SPMIP2: variants seen among roughly 807,000 people sequenced by gnomAD.
SPMIP2 encodes the protein protein SPMIP2.
At chr4:158,954,672 C>CG in the SPMIP2 span, among the ~76,000 whole-genome samples, 3 of 152,176 alleles carry the variant, frequency 2.0e-5, no homozygotes, top group Admixed American at 2.0e-4. Context: ...TAGTTTTTCT[C>CG]GAGTTCAATG....
the SPMIP2 span, among the ~76,000 whole-genome samples, chr4:159,063,280 C>T: frequency 2.0e-5 from 3 of 152,194 alleles, no homozygotes; most frequent in East Asian, 5.8e-4. Flanking sequence ...TATCTTGGGC[C>T]GGGCATGGTG....
chr4:158,940,559 CTTTT>C, the SPMIP2 span, among the ~76,000 whole-genome samples: 184 of 135,110 alleles, frequency 1.4e-3, 2 homozygotes, highest in Non-Finnish European at 2.2e-3. Context: ...GTTGTTCCTT[CTTTT>C]TTTTTTTTTT....
At chr4:158,918,546 G>A in the SPMIP2 span, among the ~76,000 whole-genome samples, 4 of 152,144 alleles carry the variant, frequency 2.6e-5, no homozygotes, top group African/African-American at 9.7e-5. Context: ...ATATAGAAGA[G>A]TTTAGAAAAG....
At chr4:159,021,030 G>A in the SPMIP2 span, among the ~76,000 whole-genome samples, 1 of 152,210 alleles carries the variant, frequency 6.6e-6, no homozygotes, top group Non-Finnish European at 1.5e-5. Context: ...CAAAGTCCTA[G>A]GATTACAGGC....
At chr4:159,016,148 C>G in the SPMIP2 span, among the ~76,000 whole-genome samples, 3 of 151,996 alleles carry the variant, frequency 2.0e-5, no homozygotes, top group African/African-American at 7.3e-5. Context: ...ACTTGTGAAA[C>G]ACGGGGATGG....
the SPMIP2 span, among the ~76,000 whole-genome samples, chr4:159,035,733 A>G: frequency 2.6e-5 from 4 of 152,158 alleles, no homozygotes; most frequent in Non-Finnish European, 5.9e-5. Context: ...CTGAGCCTTT[A>G]CACATACAAT....
At chr4:159,006,995 A>AGT in the SPMIP2 span, 1 of 392,284 alleles carries the variant, frequency 2.5e-6, no homozygotes, top group Non-Finnish European at 4.9e-6. Context: ...CTAGAATGCC[A>AGT]GTGTTGTTCT....
chr4:158,947,373 TAAAAC>T, the SPMIP2 span, among the ~76,000 whole-genome samples: 1 of 152,176 alleles, frequency 6.6e-6, no homozygotes, highest in African/African-American at 2.4e-5. Flanking sequence ...TCTTATGAAA[TAAAAC>T]AGGCAATTTT....
the SPMIP2 span, among the ~76,000 whole-genome samples, chr4:159,054,157 T>A: frequency 6.6e-6 from 1 of 152,112 alleles, no homozygotes; most frequent in East Asian, 1.9e-4. Flanking sequence ...AATTTTTTTT[T>A]ATTTTTGTAG....
At chr4:158,949,578 A>C in the SPMIP2 span, among the ~76,000 whole-genome samples, 1 of 71,488 alleles carries the variant, frequency 1.4e-5, no homozygotes, top group Non-Finnish European at 2.7e-5. Context: ...TTCATGACTG[A>C]TTAGAATTCC....
chr4:159,000,288 T>C, the SPMIP2 span, among the ~76,000 whole-genome samples: 2 of 152,222 alleles, frequency 1.3e-5, no homozygotes, highest in African/African-American at 4.8e-5. Context: ...CTGGCCACTC[T>C]ATGTTTTTAT....
At chr4:159,054,338 T>G in the SPMIP2 span, among the ~76,000 whole-genome samples, 18 of 152,084 alleles carry the variant, frequency 1.2e-4, no homozygotes, top group Non-Finnish European at 1.8e-4. Context: ...TTATTCCAGC[T>G]CAAGTCTTTC....
chr4:158,905,327 CTTATATT>C, the SPMIP2 span: 1 of 152,156 alleles, frequency 6.6e-6, no homozygotes, highest in Non-Finnish European at 1.5e-5. Context: ...ATGTTTTATC[CTTATATT>C]TTAGAGCTTT....
chr4:159,022,288 G>A, the SPMIP2 span, among the ~76,000 whole-genome samples: 4 of 152,266 alleles, frequency 2.6e-5, no homozygotes, highest in East Asian at 3.9e-4. Context: ...CACCAGTGCC[G>A]TCATTCACTG....
the SPMIP2 span, among the ~76,000 whole-genome samples, chr4:158,900,415 G>C: frequency 4.6e-5 from 7 of 152,010 alleles, no homozygotes; most frequent in Non-Finnish European, 1.0e-4. Flanking sequence ...CTGTCTCGTT[G>C]ATCTAATATT....
the SPMIP2 span, among the ~76,000 whole-genome samples, chr4:158,936,939 T>C: frequency 6.6e-6 from 1 of 152,202 alleles, no homozygotes; most frequent in Non-Finnish European, 1.5e-5. Context: ...GAGGTTAGGC[T>C]AACAGTGCAC....
At chr4:158,928,797 C>T in the SPMIP2 span, among the ~76,000 whole-genome samples, 2 of 152,038 alleles carry the variant, frequency 1.3e-5, no homozygotes, top group Admixed American at 1.3e-4. Context: ...ACTCCTGAAG[C>T]CAGCGAGACC....
the SPMIP2 span, among the ~76,000 whole-genome samples, chr4:158,923,403 TACTTC>T: frequency 6.0e-5 from 9 of 148,990 alleles, no homozygotes; most frequent in African/African-American, 9.7e-5. Context: ...GGGTCTTCTT[TACTTC>T]CTTTCAATGA....
the SPMIP2 span, among the ~76,000 whole-genome samples, chr4:159,075,025 T>C: frequency 1.3e-5 from 2 of 152,220 alleles, no homozygotes; most frequent in East Asian, 1.9e-4. Flanking sequence ...GGGAGGGACA[T>C]GGGGAATAAA....
Sources: allele counts gnomAD v4.1 joint callset (sites outside exome capture counted in the v4.1 genomes callset), GRCh38; gene constraint gnomAD v4.1.1; transcripts MANE v1.5; gene names NCBI Gene and HGNC (gene_info 2026-07-23, HGNC 2026-07-21).